PPP2R3A: variants seen among roughly 807,000 people sequenced by gnomAD.
PPP2R3A encodes the protein protein phosphatase 2 regulatory subunit B''alpha.
A neutral mutation model predicts 106.9 loss-of-function variants in PPP2R3A; 80 were observed. The ratio of observed to expected loss-of-function variants is 0.75; its 90% CI spans 0.62 to 0.90. The LOEUF is 0.90. PPP2R3A is among the 40% of genes least tolerant of loss of function. The pLI is 0.00. For synonymous variants in PPP2R3A, 483 were observed against 468.3 expected (o/e 1.03, Z -0.41); for missense variants, 1,386 against 1,350.4 (o/e 1.03, Z -0.41).
intron 1 of PPP2R3A, among the ~76,000 whole-genome samples, chr3:135,973,244 A>G (rs2107748263): frequency 6.6e-6 from 1 of 152,332 alleles, no homozygotes; most frequent in South Asian, 2.1e-4. Context: ...TGATAAAAAC[A>G]CTTGCCTCAC....
At chr3:136,144,916 C>A in intron 13 of PPP2R3A, 127 bp from the exon 14 acceptor site, 2 of 990,424 alleles carry the variant, frequency 2.0e-6, no homozygotes, top group Non-Finnish European at 2.9e-6. Context: ...TTGAGTTGCT[C>A]ACGGCCTCCA....
In PPP2R3A at chr3:136,002,331, A is replaced by G. The variant is rs773548727; in HGVS notation, c.833A>G (p.Tyr278Cys). The G allele has an allele frequency of 6.2e-6, 10 of 1,613,578 alleles. No individual in the cohort carries two copies. The highest frequency in any genetic ancestry group is 1.7e-5 in the Admixed American group (1 of 59,972). ...NDTISSSETV[Y>C]MNVMTRLASY... ...ACAATTTCTAGCTCTGAAACTGTCT[A>G]TATGAATGTAATGACCAGGTTAGCA... Residue 278 changes from tyrosine (Y) to cysteine (C), a missense_variant, in exon 2 of 14, where the codon TAT becomes TGT. Transcript: ENST00000264977.
At chr3:136,005,012 G>C (rs939594665) in intron 2 of PPP2R3A, among the ~76,000 whole-genome samples, 6 of 152,094 alleles carry the variant, frequency 3.9e-5, no homozygotes, top group African/African-American at 1.4e-4. Context: ...GTCATCAGAT[G>C]AATCTTTCTT....
intron 10 of PPP2R3A, among the ~76,000 whole-genome samples, chr3:136,091,850 G>C (rs911766250): frequency 3.3e-5 from 5 of 152,012 alleles, no homozygotes; most frequent in Admixed American, 6.6e-5. Flanking sequence ...TCATATACCA[G>C]CAGAGTAGAG....
intron 2 of PPP2R3A, among the ~76,000 whole-genome samples, chr3:136,016,039 G>T (rs560700347): frequency 3.9e-4 from 60 of 152,178 alleles, no homozygotes; most frequent in Non-Finnish European, 7.2e-4. Context: ...CTGGCTCAAA[G>T]AATTTTTTAA....
At chr3:136,078,306 T>C (rs987839171) in intron 6 of PPP2R3A, 61 bp from the exon 7 acceptor site, 3 of 1,195,184 alleles carry the variant, frequency 2.5e-6, no homozygotes, top group African/African-American at 3.1e-5. Context: ...AAAATGGCCT[T>C]TGAGAAAGTA....
intron 10 of PPP2R3A, among the ~76,000 whole-genome samples, chr3:136,100,692 AATTT>A (rs1225792697): frequency 4.6e-5 from 7 of 151,584 alleles, no homozygotes; most frequent in African/African-American, 1.7e-4. Flanking sequence ...CTGAAAAAAA[AATTT>A]AGCTAGGCAT....
intron 1 of PPP2R3A, among the ~76,000 whole-genome samples, chr3:135,970,067 A>G (rs1460388369): frequency 1.3e-5 from 2 of 152,228 alleles, no homozygotes; most frequent in African/African-American, 4.8e-5. Flanking sequence ...AAAAATGCTA[A>G]TGCTGTGGTC....
At chr3:136,127,996 A>T (rs1938248352) in intron 13 of PPP2R3A, among the ~76,000 whole-genome samples, 1 of 152,224 alleles carries the variant, frequency 6.6e-6, no homozygotes. Context: ...CCTGCCTTAT[A>T]AGAGCTCCTG....
chr3:136,023,227 G>GTT, intron 2 of PPP2R3A: 1 of 1,541,934 alleles, frequency 6.5e-7, no homozygotes. Flanking sequence ...GTTTTGTTTT[G>GTT]TTTTGTTTTG....
intron 10 of PPP2R3A, among the ~76,000 whole-genome samples, chr3:136,092,111 C>G (rs1028632135): frequency 6.6e-6 from 1 of 152,082 alleles, no homozygotes; most frequent in African/African-American, 2.4e-5. Context: ...GGCAGATCAC[C>G]TGAGATCAGG....
At chr3:136,128,294 G>T (rs550918167) in intron 13 of PPP2R3A, among the ~76,000 whole-genome samples, 2 of 151,342 alleles carry the variant, frequency 1.3e-5, no homozygotes, top group African/African-American at 4.9e-5. Flanking sequence ...ACACACATAG[G>T]CTCAAAATAA....
intron 5 of PPP2R3A, among the ~76,000 whole-genome samples, chr3:136,065,517 T>C (rs1051862849): frequency 6.6e-6 from 1 of 152,206 alleles, no homozygotes; most frequent in African/African-American, 2.4e-5. Context: ...CAAAGCCTTA[T>C]GTACCCCTCA....
At chr3:135,992,566 C>T (rs1933219163) in intron 1 of PPP2R3A, among the ~76,000 whole-genome samples, 2 of 152,134 alleles carry the variant, frequency 1.3e-5, no homozygotes, top group African/African-American at 2.4e-5. Flanking sequence ...TCCATCATTA[C>T]ATTAATGTTT....
At chr3:136,102,672 T>A (rs1937408798) in intron 11 of PPP2R3A, among the ~76,000 whole-genome samples, 1 of 152,096 alleles carries the variant, frequency 6.6e-6, no homozygotes, top group African/African-American at 2.4e-5. Flanking sequence ...ATGGCAAGTC[T>A]GCTATTTAAG....
chr3:136,004,400 T>A (rs2107793099), intron 2 of PPP2R3A, among the ~76,000 whole-genome samples: 1 of 152,326 alleles, frequency 6.6e-6, no homozygotes, highest in East Asian at 1.9e-4. Flanking sequence ...ATCTAGGATA[T>A]GTGGCTTTTG....
intron 8 of PPP2R3A, among the ~76,000 whole-genome samples, chr3:136,087,248 T>TCC (rs1936967254): frequency 1.5e-5 from 1 of 66,490 alleles, no homozygotes; most frequent in Admixed American, 1.3e-4. Flanking sequence ...TAGTCGTGTC[T>TCC]CTCTCTCTCT....
intron 2 of PPP2R3A, among the ~76,000 whole-genome samples, chr3:136,006,111 G>T (rs1474653096): frequency 6.6e-6 from 1 of 152,130 alleles, no homozygotes; most frequent in Non-Finnish European, 1.5e-5. Context: ...GCCACACTGG[G>T]CTCTAAATGT....
Position 136,146,933 on chromosome 3 carries a change from TCTAAA to T in PPP2R3A, c.*1772_*1776del, listed in dbSNP as rs1304463720. 3.9e-5 allele frequency: 6 copies of T among 152,058 alleles called. No individual in the cohort carries two copies. The highest frequency in any genetic ancestry group is 8.8e-5 in the Non-Finnish European group (6 of 68,004). 9.4% of individuals were successfully genotyped at this position (152,058 alleles called of 1,614,324 possible). On this transcript the variant is annotated 3_prime_UTR_variant, in exon 14 of 14. Transcript: ENST00000264977. Reference sequence around the variant, plus strand: ...TTAAATGTTTTATTATCCATAATGATCTAAACTAATAAGATTCACCAAAAAGTAAA... The same window carrying T: ...TTAAATGTTTTATTATCCATAATGATCTAATAAGATTCACCAAAAAGTAAA...
Sources: allele counts gnomAD v4.1 joint callset (sites outside exome capture counted in the v4.1 genomes callset), GRCh38; gene constraint gnomAD v4.1.1; transcripts MANE v1.5; gene names NCBI Gene and HGNC (gene_info 2026-07-23, HGNC 2026-07-21).